The following CCDC146 variants were observed in gnomAD, a reference collection of about 807,000 sequenced individuals.
CCDC146 encodes coiled-coil domain-containing protein 146.
A neutral mutation model predicts 119.3 loss-of-function variants in CCDC146; 92 were observed. The observed-to-expected ratio is 0.77, with a 90% CI of 0.65 to 0.92. The LOEUF is 0.92. CCDC146 is among the 40% of genes least tolerant of loss of function. The pLI is 0.00. For synonymous variants in CCDC146, 372 were observed against 371.8 expected, an observed-to-expected ratio of 1.00 and a Z score of -0.01; for missense variants, 1,000 against 1,103.0, an observed-to-expected ratio of 0.91 and a Z score of 1.32.
chr7:77,197,090 A>C (rs1345638209), intron 2 of CCDC146: 11 of 717,528 alleles, frequency 1.5e-5, no homozygotes, highest in Admixed American at 2.7e-5. Context: ...AATCAATGGC[A>C]GTAATGAAAC....
intron 11 of CCDC146, among the ~76,000 whole-genome samples, chr7:77,274,947 C>A (rs1381539849): frequency 6.6e-6 from 1 of 151,800 alleles, no homozygotes; most frequent in African/African-American, 2.4e-5. Flanking sequence ...TTAATGGGTG[C>A]AGCACACCAA....
intron 2 of CCDC146, chr7:77,194,713 A>T (rs981632158): frequency 7.2e-5 from 11 of 152,230 alleles, no homozygotes; most frequent in East Asian, 3.9e-4. Context: ...ACCAGAAATT[A>T]AAAAAATTAT....
intron 8 of CCDC146, among the ~76,000 whole-genome samples, chr7:77,261,635 G>T (rs1000275372): frequency 6.6e-6 from 1 of 151,810 alleles, no homozygotes; most frequent in East Asian, 1.9e-4. Context: ...CCGCCACCGC[G>T]CCCGGCTAAT....
At chr7:77,170,384 G>A (rs978830379) in intron 2 of CCDC146, among the ~76,000 whole-genome samples, 3 of 152,082 alleles carry the variant, frequency 2.0e-5, no homozygotes, top group Non-Finnish European at 2.9e-5. Context: ...CCCCACTGAT[G>A]GGCCACTAGA....
intron 2 of CCDC146, among the ~76,000 whole-genome samples, chr7:77,232,768 G>A (rs570681958): frequency 6.6e-6 from 1 of 152,304 alleles, no homozygotes; most frequent in South Asian, 2.1e-4. Flanking sequence ...TGCCCATGGG[G>A]AAGAAGGGGA....
Position 77,197,226 on chromosome 7 carries a change from C to T in CCDC146, c.156+29402C>T, listed in dbSNP as rs560470170. ...GTAGTAATAATGACAGCATCAACAGCAAACGACAATAAGAAAATAATAAAA... is the reference window on the plus strand; with the variant it reads ...GTAGTAATAATGACAGCATCAACAGTAAACGACAATAAGAAAATAATAAAA... On this transcript the variant is annotated intron_variant, in intron 2 of 18. Coordinates refer to ENST00000285871, the MANE Select transcript of CCDC146 (RefSeq NM_020879.3). Among the ~76,000 whole-genome samples, 3 of 152,332 alleles carry T rather than the reference C, an allele frequency of 2.0e-5. No individual in the cohort carries two copies. The South Asian group carries it at 6.2e-4, about 32-fold the overall frequency.
intron 2 of CCDC146, among the ~76,000 whole-genome samples, chr7:77,224,359 T>C (rs1032681479): frequency 6.6e-6 from 1 of 152,186 alleles, no homozygotes; most frequent in African/African-American, 2.4e-5. Flanking sequence ...CAAGTCCTTC[T>C]CATATTTCAG....
Position 77,256,504 on chromosome 7 carries a change from C to A in CCDC146, c.679C>A (p.Leu227Ile). The change falls in exon 6 of 19, where the codon CTA (leucine) becomes ATA (isoleucine). Residue 227 changes from leucine (L) to isoleucine (I), a missense_variant. This residue lies in a region of CCDC146 where 985 missense variants were observed against 1,045.3 expected (regional missense o/e 0.94). Coordinates refer to ENST00000285871, the MANE Select transcript of CCDC146 (RefSeq NM_020879.3). Reference protein sequence around the residue: ...LEELLGHQVVLKDEVAHHQTI... With the variant: ...LEELLGHQVVIKDEVAHHQTI... ...AGAATTGTTGGGACATCAGGTCGTCCTAAAGGTGTGCTACTTACCGTTGAT... is the reference window on the plus strand; with the variant it reads ...AGAATTGTTGGGACATCAGGTCGTCATAAAGGTGTGCTACTTACCGTTGAT... 1 of 1,601,984 alleles carries A rather than the reference C, an allele frequency of 6.2e-7. No homozygotes were observed. The highest frequency in any genetic ancestry group is 1.1e-5 in the South Asian group (1 of 87,896).
At chr7:77,185,084 CT>C (rs530722557) in intron 2 of CCDC146, among the ~76,000 whole-genome samples, 15 of 148,428 alleles carry the variant, frequency 1.0e-4, no homozygotes, top group South Asian at 4.3e-4. Context: ...ATAACAGAGG[CT>C]TTTTTTTTTC....
intron 4 of CCDC146, among the ~76,000 whole-genome samples, chr7:77,244,016 T>C (rs1792898907): frequency 6.6e-6 from 1 of 152,176 alleles, no homozygotes; most frequent in African/African-American, 2.4e-5. Flanking sequence ...TAGCTGGGAT[T>C]ACAGATGCCC....
chr7:77,242,083 G>A (rs752380693), intron 4 of CCDC146, among the ~76,000 whole-genome samples, 183 bp downstream of exon 4: 8 of 152,166 alleles, frequency 5.3e-5, no homozygotes, highest in East Asian at 3.8e-4. Context: ...TACACTTCTC[G>A]AATAAAAGCT....
chr7:77,233,178 T>C (rs1221144609), intron 2 of CCDC146, among the ~76,000 whole-genome samples: 1 of 151,314 alleles, frequency 6.6e-6, no homozygotes, highest in Non-Finnish European at 1.5e-5. Context: ...AACCTCTGCC[T>C]CTGGGGTTCA....
chr7:77,258,965 T>C (rs764031348), intron 6 of CCDC146, 30 bp from the exon 7 acceptor site: 1 of 1,499,642 alleles, frequency 6.7e-7, no homozygotes, highest in East Asian at 2.3e-5. Context: ...GAAGACCGCA[T>C]AATTTAACAT....
At chr7:77,242,466 A>G in intron 4 of CCDC146, 1 of 812,620 alleles carries the variant, frequency 1.2e-6, no homozygotes, top group Non-Finnish European at 1.5e-6. Flanking sequence ...ACTTATCCAA[A>G]TTTAGAGGAC....
chr7:77,180,056 C>CAT (rs754028806), intron 2 of CCDC146, among the ~76,000 whole-genome samples: 3 of 151,946 alleles, frequency 2.0e-5, no homozygotes, highest in Admixed American at 6.5e-5. Flanking sequence ...TGTGTGTATA[C>CAT]ATATATATAC....
intron 11 of CCDC146, among the ~76,000 whole-genome samples, chr7:77,277,857 A>T (rs1316288949): frequency 2.6e-5 from 4 of 152,210 alleles, no homozygotes; most frequent in Non-Finnish European, 4.4e-5. Flanking sequence ...ACTACCAGCA[A>T]ATCCTTCATT....
chr7:77,283,612 T>C (rs1187738328), intron 15 of CCDC146, among the ~76,000 whole-genome samples: 2 of 152,142 alleles, frequency 1.3e-5, no homozygotes, highest in Non-Finnish European at 2.9e-5. Context: ...GAAAATAAAA[T>C]TCTACTCCCA....
At chr7:77,243,574 T>C (rs1245210610) in intron 4 of CCDC146, among the ~76,000 whole-genome samples, 2 of 152,236 alleles carry the variant, frequency 1.3e-5, no homozygotes, top group African/African-American at 2.4e-5. Flanking sequence ...ACTGTCTATA[T>C]GGTGGTGGTC....
intron 2 of CCDC146, among the ~76,000 whole-genome samples, chr7:77,180,005 G>A (rs142706721): frequency 2.0e-3 from 310 of 152,234 alleles, no homozygotes; most frequent in African/African-American, 7.2e-3. Flanking sequence ...GTTGTAGCAT[G>A]TGTCAGAATT....
Sources: gnomAD v4.1 joint callset for allele counts (sites outside exome capture counted in the v4.1 genomes callset) on GRCh38, gnomAD v4.1.1 for gene constraint, gnomAD v4.1.1 regional missense constraint, MANE v1.5 for transcripts, NCBI Gene and HGNC (gene_info 2026-07-23, HGNC 2026-07-21) for gene names.